The following CACNA1E variants were observed in gnomAD, a reference collection of about 807,000 sequenced individuals.
CACNA1E encodes voltage-dependent R-type calcium channel subunit alpha-1E.
A neutral mutation model predicts 259.2 loss-of-function variants in CACNA1E; 40 were observed. That is an observed-to-expected ratio of 0.15 (90% CI 0.12 to 0.20). CACNA1E has a LOEUF of 0.20. Among genes scored for constraint, CACNA1E ranks in the 10% least tolerant of loss-of-function variants. The pLI is 1.00. For synonymous variants in CACNA1E, 1,104 were observed against 1,138.5 expected (o/e 0.97, Z 0.61); for missense variants, 1,874 against 3,040.1 (o/e 0.62, Z 9.02).
Position 181,378,013 on chromosome 1 carries a change from A to C in CACNA1E, c.-14-35120A>C, listed in dbSNP as rs1655214734. ...TTCATCATTTAGTTAATCGGAAATT[A>C]TTTTGGTAATTCAGATGGCCATTAA... On this transcript the variant is annotated intron_variant, in intron 1 of 11. Coordinates refer to the CACNA1E transcript ENST00000524607. Among the ~76,000 whole-genome samples, 3 of 152,244 alleles carry C rather than the reference A, an allele frequency of 2.0e-5. No individual in the cohort carries two copies. In the South Asian group the frequency reaches 6.2e-4, roughly 32 times the overall value.
chr1:181,617,179 A>G (rs975199321), intron 6 of CACNA1E, among the ~76,000 whole-genome samples: 7 of 151,390 alleles, frequency 4.6e-5, no homozygotes, highest in African/African-American at 1.7e-4. Flanking sequence ...GTTTTTATTT[A>G]TGTTCTTTAT....
intron 2 of CACNA1E, among the ~76,000 whole-genome samples, chr1:181,442,205 T>G (rs1660523953): frequency 3.5e-5 from 4 of 115,380 alleles, no homozygotes; most frequent in Admixed American, 8.1e-5. Context: ...GACTCAAGTG[T>G]GGGGGGCACA....
chr1:181,511,113 C>A (rs573943686), intron 2 of CACNA1E, among the ~76,000 whole-genome samples: 2 of 152,310 alleles, frequency 1.3e-5, no homozygotes, highest in African/African-American at 2.4e-5. Flanking sequence ...CCATCAGGGA[C>A]CTTCCTGGGA....
At position 181,803,974 on chromosome 1, in the gene CACNA1E, C is replaced by T. The variant is rs935147801; in HGVS notation, c.*5140C>T. The T allele has an allele frequency of 5.3e-5, 8 of 152,206 alleles. No homozygotes were observed. The highest frequency in any genetic ancestry group is 1.9e-4 in the African/African-American group (8 of 41,442). 9.4% of individuals were successfully genotyped at this position (152,206 alleles called of 1,614,324 possible). On this transcript the variant is annotated 3_prime_UTR_variant, in exon 48 of 48. Transcript: ENST00000367573. ...GTAGTTTTGCTTTCTTCCACCCACC[C>T]TCTCTCCGCATGCTGTAAGTTAGGG...
intron 1 of CACNA1E, among the ~76,000 whole-genome samples, chr1:181,385,582 G>A (rs1655785629): frequency 1.3e-5 from 2 of 152,202 alleles, no homozygotes; most frequent in African/African-American, 4.8e-5. Flanking sequence ...AAAGCTAGAC[G>A]GCTTGCTGCC....
At chr1:181,793,558 GTC>G in intron 44 of CACNA1E, 105 bp from the exon 45 acceptor site, 2 of 1,208,618 alleles carry the variant, frequency 1.7e-6, no homozygotes, top group Non-Finnish European at 2.3e-6. Context: ...AAAGCTGCAA[GTC>G]TCTCTTTTGA....
chr1:181,468,182 G>A (rs936199959), intron 2 of CACNA1E, among the ~76,000 whole-genome samples: 14 of 152,168 alleles, frequency 9.2e-5, no homozygotes, highest in African/African-American at 1.7e-4. Context: ...AGTTGAAAAT[G>A]TTCCCCAATT....
intron 1 of CACNA1E, among the ~76,000 whole-genome samples, chr1:181,348,446 G>T (rs1282072042): frequency 2.8e-4 from 43 of 152,136 alleles, no homozygotes; most frequent in Admixed American, 2.8e-3. Flanking sequence ...GATCTGAGGA[G>T]CTGACTTAGA....
At chr1:181,495,096 G>T (rs1188838333) in intron 1 of CACNA1E, among the ~76,000 whole-genome samples, 1 of 152,078 alleles carries the variant, frequency 6.6e-6, no homozygotes, top group Non-Finnish European at 1.5e-5. Flanking sequence ...TCCACTTTAG[G>T]TATCATTTTC....
At chr1:181,458,024 C>T (rs575373080) in intron 2 of CACNA1E, among the ~76,000 whole-genome samples, 30 of 152,300 alleles carry the variant, frequency 2.0e-4, no homozygotes, top group East Asian at 7.7e-4. Flanking sequence ...TGTAAGCCAG[C>T]GCCCATAGCG....
chr1:181,325,427 C>CAA (rs1650697708), intron 1 of CACNA1E, among the ~76,000 whole-genome samples: 1 of 152,142 alleles, frequency 6.6e-6, no homozygotes, highest in Admixed American at 6.5e-5. Context: ...AACATCCTGT[C>CAA]CCAAGGTGTG....
intron 6 of CACNA1E, among the ~76,000 whole-genome samples, chr1:181,614,569 T>C (rs751354421): frequency 4.6e-5 from 7 of 152,204 alleles, no homozygotes; most frequent in Non-Finnish European, 8.8e-5. Flanking sequence ...CTTGAGCTCA[T>C]TGCAATAGCA....
At chr1:181,619,639 A>G (rs1655546721) in intron 6 of CACNA1E, among the ~76,000 whole-genome samples, 1 of 152,164 alleles carries the variant, frequency 6.6e-6, no homozygotes, top group South Asian at 2.1e-4. Flanking sequence ...TTGCAATAAT[A>G]TGAGTGAGAG....
chr1:181,417,220 T>C (rs912221334), intron 2 of CACNA1E, among the ~76,000 whole-genome samples: 3 of 152,104 alleles, frequency 2.0e-5, no homozygotes, highest in Admixed American at 2.0e-4. Context: ...CATGTCACCA[T>C]TTCCCATCTT....
At chr1:181,409,850 G>A (rs909539441) in intron 1 of CACNA1E, among the ~76,000 whole-genome samples, 2 of 152,150 alleles carry the variant, frequency 1.3e-5, no homozygotes, top group Non-Finnish European at 2.9e-5. Context: ...CTGGAGCTCC[G>A]CAGTGCATAT....
Position 181,421,841 on chromosome 1 carries a change from G to A in CACNA1E, c.434+8261G>A, listed in dbSNP as rs529791788. On this transcript the variant is annotated intron_variant, in intron 2 of 11. Transcript: ENST00000524607. Reference sequence around the variant, plus strand: ...GACCATTGCAATGGCCTGCTAACGTGTCTTTGCATCTTTGTTTCCCTAGAA... The same window carrying A: ...GACCATTGCAATGGCCTGCTAACGTATCTTTGCATCTTTGTTTCCCTAGAA... 3.9e-5 allele frequency among the ~76,000 whole-genome samples: 6 copies of A among 152,204 alleles called. No individual in the cohort carries two copies. The South Asian group carries it at 1.2e-3, about 32-fold the overall frequency.
At chr1:181,419,868 T>C (rs1379770282) in intron 2 of CACNA1E, among the ~76,000 whole-genome samples, 16 of 152,194 alleles carry the variant, frequency 1.1e-4, no homozygotes. Flanking sequence ...CTGCCCCACT[T>C]CAGGGCTGCC....
chr1:181,507,741 A>G (rs962297336), intron 1 of CACNA1E, among the ~76,000 whole-genome samples: 3 of 152,196 alleles, frequency 2.0e-5, no homozygotes, highest in Non-Finnish European at 4.4e-5. Flanking sequence ...CATAGACCCC[A>G]CATAGACCCA....
intron 2 of CACNA1E, among the ~76,000 whole-genome samples, chr1:181,437,334 G>A (rs1660161398): frequency 6.6e-6 from 1 of 151,906 alleles, no homozygotes; most frequent in South Asian, 2.1e-4. Flanking sequence ...TCCCACCAGT[G>A]TAAAAACATG....
Sources: gnomAD v4.1 joint callset for allele counts (sites outside exome capture counted in the v4.1 genomes callset) on GRCh38, gnomAD v4.1.1 for gene constraint, MANE v1.5 for transcripts, NCBI Gene and HGNC (gene_info 2026-07-23, HGNC 2026-07-21) for gene names.